ECPAS: variants seen among roughly 807,000 people sequenced by gnomAD.
ECPAS encodes Ecm29 proteasome adaptor and scaffold, also known as proteasome adapter and scaffold protein ECM29.
In ECPAS, 70 loss-of-function variants were observed where a neutral mutation model predicts 255.1. The observed-to-expected ratio is 0.27, with a 90% CI of 0.23 to 0.33. The LOEUF (loss-of-function observed/expected upper bound fraction) is 0.33. Ranked by LOEUF, ECPAS falls within the 10% of genes least tolerant of loss-of-function variation. The pLI is 1.00. For synonymous variants in ECPAS, 784 were observed against 775.0 expected (o/e 1.01, Z -0.19); for missense variants, 1,817 against 2,206.4 (o/e 0.82, Z 3.54).
chr9:111,363,776 T>G, intron 48 of ECPAS, 117 bp from the exon 49 acceptor site: 1 of 610,132 alleles, frequency 1.6e-6, no homozygotes, highest in Non-Finnish European at 2.8e-6. Flanking sequence ...GAAGGGTATA[T>G]CTGATTTTTT....
At position 111,484,088 on chromosome 9, in the gene ECPAS, CCCCGCGG is replaced by C. The variant is rs1325223827; in HGVS notation, c.-83+21_-83+27del. The C allele has an allele frequency of 5.5e-6, 7 of 1,270,270 alleles. No homozygotes were observed. In the South Asian group the frequency reaches 1.6e-4, roughly 29 times the overall value. The allele number at this position is 1,270,270 out of a possible 1,614,324, so 78.7% of individuals were successfully genotyped here. A position where few individuals can be genotyped will look rare whatever the true frequency, so the allele number is the denominator to read the frequency against. On this transcript the variant is annotated intron_variant, in intron 1 of 49. Transcript: ENST00000684092. ...CGCCGCCGCGCGCGCAGGGCCAGTC[CCCCGCGG>C]CCCGGGGGCGGGCCTCTGACCTGAG...
chr9:111,464,749 A>C (rs1160995609), intron 2 of ECPAS, among the ~76,000 whole-genome samples: 1 of 152,174 alleles, frequency 6.6e-6, no homozygotes, highest in African/African-American at 2.4e-5. Context: ...GATACATCAC[A>C]GTAATGACAA....
rs182960880 is a variant in ECPAS at position 111,391,452 on chromosome 9, C to T, written c.3161+304G>A. Among the ~76,000 whole-genome samples the T allele has an allele frequency of 2.0e-4, 30 of 152,138 alleles. No individual in the cohort carries two copies. In the East Asian group the frequency reaches 5.4e-3, roughly 28 times the overall value. On this transcript the variant is annotated intron_variant, in intron 29 of 49. Coordinates refer to ENST00000684092, the MANE Select transcript of ECPAS (RefSeq NM_001364929.1). Reference sequence around the variant, plus strand: ...ATTAGCCAGGCGTGGTGGCAGGTGCCTGTAATCTCAGTTACCTGGGAAGCT... The same window carrying T: ...ATTAGCCAGGCGTGGTGGCAGGTGCTTGTAATCTCAGTTACCTGGGAAGCT...
intron 13 of ECPAS, 105 bp from the exon 14 acceptor site, chr9:111,422,305 T>C (rs2098215269): frequency 2.4e-6 from 3 of 1,226,556 alleles, no homozygotes; most frequent in Non-Finnish European, 3.5e-6. Flanking sequence ...CTGAAGACAA[T>C]GTCAGCATCA....
intron 2 of ECPAS, among the ~76,000 whole-genome samples, chr9:111,456,932 C>T (rs556977029): frequency 3.3e-5 from 5 of 152,302 alleles, no homozygotes; most frequent in African/African-American, 1.2e-4. Flanking sequence ...CTAGGACAGA[C>T]TGTTTGCGAA....
At chr9:111,384,231 G>C (rs532697370) in intron 34 of ECPAS, among the ~76,000 whole-genome samples, 3 of 152,288 alleles carry the variant, frequency 2.0e-5, no homozygotes, top group African/African-American at 7.2e-5. Context: ...CACAGCAAAA[G>C]CAAGAGAAAA....
At chr9:111,465,623 T>C (rs972010912) in intron 2 of ECPAS, among the ~76,000 whole-genome samples, 6 of 151,396 alleles carry the variant, frequency 4.0e-5, no homozygotes, top group African/African-American at 4.8e-5. Flanking sequence ...ATATATTCCA[T>C]GATAATTTTA....
chr9:111,405,195 G>A (rs923130231), intron 24 of ECPAS, among the ~76,000 whole-genome samples: 1 of 149,694 alleles, frequency 6.7e-6, no homozygotes, highest in Non-Finnish European at 1.5e-5. Flanking sequence ...AAAACAGCAT[G>A]AAACTGGCAT....
rs576674455 is a variant in ECPAS, at chr9:111,473,634, G to A, written c.-82-634C>T. On this transcript the variant is annotated intron_variant, in intron 1 of 49. Transcript: ENST00000684092. ...TCAGAACCAAGGTTCCCACACACCCGCAATCCATGTGCCAAGATGTGCTAT... is the reference window on the plus strand; with the variant it reads ...TCAGAACCAAGGTTCCCACACACCCACAATCCATGTGCCAAGATGTGCTAT... Among the ~76,000 whole-genome samples, 3 of 152,126 alleles carry A rather than the reference G, an allele frequency of 2.0e-5. No individual in the cohort carries two copies. The East Asian group carries it at 5.8e-4, about 29-fold the overall frequency.
chr9:111,381,050 T>C (rs1308801062), intron 35 of ECPAS, among the ~76,000 whole-genome samples: 1 of 152,268 alleles, frequency 6.6e-6, no homozygotes, highest in East Asian at 1.9e-4. Context: ...CACTTTAAAC[T>C]TCGTTTAAGA....
chr9:111,455,343 G>A (rs2098265573), intron 2 of ECPAS, among the ~76,000 whole-genome samples: 1 of 152,170 alleles, frequency 6.6e-6, no homozygotes, highest in South Asian at 2.1e-4. Context: ...AATTAGCCGG[G>A]CGTGGTGGCG....
In ECPAS at chr9:111,384,537, C is replaced by A. The variant is rs2098144931; in HGVS notation, c.3666G>T (p.Leu1222=). The change falls in exon 34 of 50, where the codon CTG becomes CTT. Residue 1222 remains leucine, a synonymous_variant. Coordinates refer to ENST00000684092, the MANE Select transcript of ECPAS (RefSeq NM_001364929.1). ...ESVRKAAELA[L]KTLSKVCVKM... ...GGGTTTTCACCTTGCTCAGAGTTTT[C>A]AGAGCTAGTTCTGCCGCTTTTCGTA... is the stretch of plus-strand genomic sequence containing the variant. The A allele has an allele frequency of 6.2e-7, 1 of 1,613,732 alleles. No individual in the cohort carries two copies. The highest frequency in any genetic ancestry group is 8.5e-7 in the Non-Finnish European group (1 of 1,179,778).
intron 43 of ECPAS, among the ~76,000 whole-genome samples, chr9:111,370,977 A>T (rs188884774): frequency 6.6e-6 from 1 of 152,326 alleles, no homozygotes; most frequent in East Asian, 1.9e-4. Context: ...CCTCCATTTC[A>T]TAGAAGCCTA....
intron 24 of ECPAS, among the ~76,000 whole-genome samples, chr9:111,399,725 G>T (rs552685314): frequency 1.3e-5 from 2 of 152,332 alleles, no homozygotes; most frequent in African/African-American, 4.8e-5. Flanking sequence ...TAAAACAAAG[G>T]ACCAGGCAGA....
At chr9:111,368,926 A>T (rs2098123979) in intron 46 of ECPAS, 109 bp downstream of exon 46, 1 of 1,076,982 alleles carries the variant, frequency 9.3e-7, no homozygotes, top group Non-Finnish European at 1.3e-6. Flanking sequence ...ATTATTAATC[A>T]ATCAGGCTCG....
intron 2 of ECPAS, among the ~76,000 whole-genome samples, chr9:111,458,875 T>C (rs560284890): frequency 6.6e-6 from 1 of 152,332 alleles, no homozygotes; most frequent in South Asian, 2.1e-4. Flanking sequence ...TCTCTCCCTT[T>C]GGCTGGTTTT....
chr9:111,434,437 C>A (rs1472851699), intron 7 of ECPAS, among the ~76,000 whole-genome samples: 3 of 151,962 alleles, frequency 2.0e-5, no homozygotes, highest in African/African-American at 4.8e-5. Flanking sequence ...TTTTAAAAAT[C>A]CAAAATATTA....
At chr9:111,478,320 A>C (rs1232917109) in intron 1 of ECPAS, among the ~76,000 whole-genome samples, 1 of 148,122 alleles carries the variant, frequency 6.8e-6, no homozygotes, top group Non-Finnish European at 1.5e-5. Flanking sequence ...CGAGGTCAGG[A>C]GTTCGAGACC....
At chr9:111,439,518 C>T (rs997355606) in intron 6 of ECPAS, among the ~76,000 whole-genome samples, 1 of 152,062 alleles carries the variant, frequency 6.6e-6, no homozygotes, top group Non-Finnish European at 1.5e-5. Flanking sequence ...ATCTGTTCGG[C>T]CCCCCCTTCC....
Sources: gnomAD v4.1 joint callset for allele counts (sites outside exome capture counted in the v4.1 genomes callset) on GRCh38, gnomAD v4.1.1 for gene constraint, MANE v1.5 for transcripts, NCBI Gene and HGNC (gene_info 2026-07-23, HGNC 2026-07-21) for gene names.